MAPK10: variants seen among roughly 807,000 people sequenced by gnomAD.
MAPK10 encodes the protein mitogen-activated protein kinase 10.
In MAPK10, 25 loss-of-function variants were observed where a neutral mutation model predicts 59.3. The ratio of observed to expected loss-of-function variants is 0.42; its 90% CI spans 0.31 to 0.59. The LOEUF (loss-of-function observed/expected upper bound fraction) is 0.59, where lower values mean the gene tolerates loss of function less well. Ranked by LOEUF, MAPK10 falls within the 20% of genes least tolerant of loss-of-function variation. The probability of loss-of-function intolerance (pLI) is 0.15; values close to 1 mark genes in which losing one functional copy is unlikely to be tolerated. For synonymous variants in MAPK10, 190 were observed against 200.5 expected, an observed-to-expected ratio of 0.95 and a Z score of 0.44; for missense variants, 351 against 568.9, an observed-to-expected ratio of 0.62 and a Z score of 3.90.
intron 2 of MAPK10, among the ~76,000 whole-genome samples, chr4:86,324,855 A>G (rs2095985447): frequency 6.6e-6 from 1 of 152,130 alleles, no homozygotes. Context: ...CTTTATACAC[A>G]CACATAGACA....
At chr4:86,116,849 C>G (rs1167448505) in intron 4 of MAPK10, among the ~76,000 whole-genome samples, 1 of 152,216 alleles carries the variant, frequency 6.6e-6, no homozygotes, top group East Asian at 1.9e-4. Flanking sequence ...AGTGCCTCAC[C>G]TAGAGTGAGC....
At chr4:86,405,746 T>C (rs560272413) in intron 1 of MAPK10, among the ~76,000 whole-genome samples, 2 of 152,228 alleles carry the variant, frequency 1.3e-5, no homozygotes, top group Non-Finnish European at 2.9e-5. Context: ...AAGATCTAGA[T>C]GATCACTTCT....
At chr4:86,021,425 T>C (rs907311736) in intron 13 of MAPK10, among the ~76,000 whole-genome samples, 6 of 152,008 alleles carry the variant, frequency 3.9e-5, no homozygotes, top group African/African-American at 7.2e-5. Context: ...AGAGTGTCGA[T>C]TGGTGCACTC....
intron 9 of MAPK10, chr4:86,080,850 CA>C (rs1225537388): frequency 6.6e-6 from 1 of 151,862 alleles, no homozygotes; most frequent in East Asian, 1.9e-4. Context: ...GCATTGTATA[CA>C]AAATTGAGCT....
intron 9 of MAPK10, among the ~76,000 whole-genome samples, chr4:86,074,996 C>T (rs1342480975): frequency 1.4e-5 from 2 of 146,936 alleles, no homozygotes; most frequent in Admixed American, 6.8e-5. Context: ...TGTTTTCCAA[C>T]TTGGTTCCAT....
At chr4:86,485,915 C>T (rs2149072927) in intron 1 of MAPK10, among the ~76,000 whole-genome samples, 1 of 152,284 alleles carries the variant, frequency 6.6e-6, no homozygotes. Flanking sequence ...AGAAACCAAC[C>T]CTCCTGGCAC....
intron 2 of MAPK10, among the ~76,000 whole-genome samples, chr4:86,289,085 A>T (rs28705770): frequency 0.014 from 2,132 of 152,310 alleles, 50 homozygotes; most frequent in African/African-American, 0.049. Context: ...ATTTAGATAG[A>T]GTAGTCAGAT....
chr4:86,391,491 AT>A (rs918761615), intron 1 of MAPK10, among the ~76,000 whole-genome samples: 1 of 152,158 alleles, frequency 6.6e-6, no homozygotes, highest in Non-Finnish European at 1.5e-5. Flanking sequence ...GCATTCATGA[AT>A]TTTTTGTCAC....
At chr4:86,083,194 A>T (rs2051032369) in intron 9 of MAPK10, among the ~76,000 whole-genome samples, 1 of 152,140 alleles carries the variant, frequency 6.6e-6, no homozygotes, top group South Asian at 2.1e-4. Context: ...CCCTGAAAGG[A>T]CCCCAATTTA....
chr4:86,270,340 G>A (rs2094394998), intron 2 of MAPK10, among the ~76,000 whole-genome samples: 1 of 151,634 alleles, frequency 6.6e-6, no homozygotes, highest in Admixed American at 6.6e-5. Context: ...AGGAAACAGT[G>A]AAGAAATATG....
chr4:86,164,565 C>T (rs1268754281), intron 3 of MAPK10: 1 of 151,864 alleles, frequency 6.6e-6, no homozygotes, highest in African/African-American at 2.4e-5. Context: ...ATATAATAAA[C>T]CTGAAATCAA....
intron 1 of MAPK10, among the ~76,000 whole-genome samples, chr4:86,588,784 A>T (rs1762812137): frequency 6.6e-6 from 1 of 152,228 alleles, no homozygotes; most frequent in Non-Finnish European, 1.5e-5. Flanking sequence ...TATTTTATGT[A>T]GTAAAATGTA....
At chr4:86,209,551 G>T (rs1404102465) in intron 2 of MAPK10, among the ~76,000 whole-genome samples, 3 of 152,068 alleles carry the variant, frequency 2.0e-5, no homozygotes, top group Non-Finnish European at 4.4e-5. Flanking sequence ...GATAGAAGGA[G>T]AATCTGATTT....
intron 3 of MAPK10, among the ~76,000 whole-genome samples, chr4:86,181,345 A>G (rs1182863154): frequency 6.6e-6 from 1 of 152,092 alleles, no homozygotes; most frequent in African/African-American, 2.4e-5. Context: ...AGTGCTGCTT[A>G]AATTTATGAT....
At chr4:86,420,345 T>C (rs1205160562) in intron 1 of MAPK10, among the ~76,000 whole-genome samples, 1 of 152,216 alleles carries the variant, frequency 6.6e-6, no homozygotes, top group Non-Finnish European at 1.5e-5. Context: ...ATTTATTTTG[T>C]ATTATTGAGG....
chr4:86,191,089 A>T (rs983429622), intron 3 of MAPK10, among the ~76,000 whole-genome samples: 1 of 152,102 alleles, frequency 6.6e-6, no homozygotes, highest in Admixed American at 6.6e-5. Flanking sequence ...TTCTAATTTC[A>T]TTGCACTGTG....
At chr4:86,345,463 C>G (rs910952916) in intron 2 of MAPK10, among the ~76,000 whole-genome samples, 1 of 152,104 alleles carries the variant, frequency 6.6e-6, no homozygotes, top group African/African-American at 2.4e-5. Context: ...TCATTGATTA[C>G]TTATGAGAGA....
chr4:86,359,703 C>T lies in MAPK10; in HGVS notation c.-167G>A. On this transcript the variant is annotated 5_prime_UTR_variant, in exon 1 of 14. Coordinates refer to ENST00000641462, the MANE Select transcript of MAPK10 (RefSeq NM_138982.4). Reference sequence around the variant, plus strand: ...CGATCCTGATCCGGCAGTGTTTGCCCCAGAAATCCTCCCTACTTGTTTTTC... The same window carrying T: ...CGATCCTGATCCGGCAGTGTTTGCCTCAGAAATCCTCCCTACTTGTTTTTC... 1 of 985,732 alleles carries T rather than the reference C, an allele frequency of 1.0e-6. No individual in the cohort carries two copies. The highest frequency in any genetic ancestry group is 1.2e-6 in the Non-Finnish European group (1 of 829,924). The allele number at this position is 985,732 out of a possible 1,614,324, so 61.1% of individuals were successfully genotyped here. A position where few individuals can be genotyped will look rare whatever the true frequency, so the allele number is the denominator to read the frequency against.
intron 1 of MAPK10, among the ~76,000 whole-genome samples, chr4:86,528,691 T>G (rs151189247): frequency 0.011 from 1,600 of 152,268 alleles, 16 homozygotes; most frequent in Non-Finnish European, 0.016. Flanking sequence ...TAGAGGCATG[T>G]ACCACCACAC....
Sources: gnomAD v4.1 joint callset for allele counts (sites outside exome capture counted in the v4.1 genomes callset) on GRCh38, gnomAD v4.1.1 for gene constraint, MANE v1.5 for transcripts, NCBI Gene and HGNC (gene_info 2026-07-23, HGNC 2026-07-21) for gene names.